FCER2: variants seen among roughly 807,000 people sequenced by gnomAD.
FCER2 encodes low affinity immunoglobulin epsilon Fc receptor.
Under a neutral mutation model 49.7 loss-of-function variants are expected in FCER2, and 38 were observed. That is an observed-to-expected ratio of 0.76 (90% CI 0.59 to 1.00). The LOEUF is 1.00. Ranked by LOEUF, FCER2 falls within the 50% of genes least tolerant of loss-of-function variation. FCER2 has a pLI of 0.00. For synonymous variants in FCER2, 163 were observed against 164.6 expected (o/e 0.99, Z 0.07); for missense variants, 425 against 419.5 (o/e 1.01, Z -0.11).
chr19:7,698,804 C>T lies in FCER2; in HGVS notation c.73G>A (p.Val25Met), dbSNP rs149266114. Residue 25 changes from valine (V) to methionine (M), a missense_variant, in exon 3 of 11, where the codon GTG (valine) becomes ATG (methionine). By Grantham distance (21) the Val-to-Met change is conservative. Coordinates refer to ENST00000597921, the MANE Select transcript of FCER2 (RefSeq NM_001220500.2). The part of the protein sequence containing the change: ...RRCCRRGTQI[V>M]LLGLVTAALW... ...GCGGCGGTCACCAGCCCCAGCAGCA[C>T]GATCTGAGTCCCACGCCTGCAACAC... The T allele has an allele frequency of 4.8e-5, 77 of 1,612,574 alleles. 1 individual carries two copies. The South Asian group carries it at 6.3e-4, about 13-fold the overall frequency.
intron 8 of FCER2, 105 bp from the exon 9 acceptor site, chr19:7,690,662 G>A (rs551109416): frequency 3.2e-5 from 38 of 1,181,106 alleles, no homozygotes; most frequent in Admixed American, 9.1e-5. Context: ...TGGGGTCCCG[G>A]CTAAAAGCAG....
At chr19:7,693,711 C>T (rs2032942115) in intron 8 of FCER2, among the ~76,000 whole-genome samples, 1 of 152,046 alleles carries the variant, frequency 6.6e-6, no homozygotes, top group Admixed American at 6.6e-5. Flanking sequence ...TACAGTGGCG[C>T]TATCTCGGCT....
At chr19:7,695,342 C>T (rs2032983336) in intron 8 of FCER2, among the ~76,000 whole-genome samples, 1 of 152,176 alleles carries the variant, frequency 6.6e-6, no homozygotes, top group Non-Finnish European at 1.5e-5. Context: ...GAGAATCCTA[C>T]TAATAACTCC....
chr19:7,699,497 T>C (rs1568491523), intron 2 of FCER2: 1 of 1,378,270 alleles, frequency 7.3e-7, no homozygotes, highest in Non-Finnish European at 9.5e-7. Context: ...TTTTTTCTTT[T>C]TCTTTTTTTG....
chr19:7,701,548 T>C (rs988068709), intron 1 of FCER2, among the ~76,000 whole-genome samples: 9 of 152,096 alleles, frequency 5.9e-5, no homozygotes, highest in African/African-American at 1.9e-4. Context: ...GGGTAAGTCA[T>C]TTGTCCCCAT....
chr19:7,698,487 G>A, intron 3 of FCER2, 78 bp from the exon 4 acceptor site: 1 of 1,195,692 alleles, frequency 8.4e-7, no homozygotes, highest in South Asian at 1.3e-5. Context: ...CCTCCCAGCT[G>A]GGGATGGAGG....
chr19:7,690,372 T>C lies in FCER2; in HGVS notation c.621+34A>G, dbSNP rs191142459. The C allele has an allele frequency of 4.4e-4, 713 of 1,603,086 alleles. 3 individuals are homozygous for C. In the African/African-American group the frequency reaches 8.5e-3, roughly 19 times the overall value. On this transcript the variant is annotated intron_variant, in intron 9 of 10. Transcript: ENST00000597921. ...GGTGGGGGTCCCCCCACCCTCGCCA[T>C]GCTGCCCACCACCTCTGCAGAGCCC... is the stretch of plus-strand genomic sequence containing the variant.
At chr19:7,699,597 T>C in intron 2 of FCER2, 142 bp downstream of exon 2, 1 of 1,161,596 alleles carries the variant, frequency 8.6e-7, no homozygotes, top group East Asian at 2.5e-5. Context: ...CGGCCTCACC[T>C]CCTTACTCAC....
intron 5 of FCER2, 100 bp from the exon 6 acceptor site, chr19:7,697,398 C>G (rs1284363983): frequency 6.7e-7 from 1 of 1,495,182 alleles, no homozygotes; most frequent in African/African-American, 1.4e-5. Context: ...TTCTTGGAAC[C>G]ACCTGCTCAG....
intron 6 of FCER2, 33 bp from the exon 7 acceptor site, chr19:7,697,108 G>A (rs748353538): frequency 1.2e-6 from 2 of 1,613,044 alleles, no homozygotes; most frequent in East Asian, 2.2e-5. Flanking sequence ...GCTGGTCTCA[G>A]GGAGGATGTG....
In FCER2 at chr19:7,689,271, G is replaced by A. The variant is rs749236558; in HGVS notation, c.888C>T (p.Ser296=). The change falls in exon 11 of 11, where the codon TCC becomes TCT. Residue 296 remains serine (S), a synonymous_variant. Transcript: ENST00000597921. ...TTGAATCAGGTCCCATGGACTCCGCGGAACCTTCGCTGGCTGGCGGCGTGC... is the reference window on the plus strand; with the variant it reads ...TTGAATCAGGTCCCATGGACTCCGCAGAACCTTCGCTGGCTGGCGGCGTGC... The part of the protein sequence containing the change: ...ATCTPPASEG[S]AESMGPDSRP... 3.7e-6 allele frequency: 6 copies of A among 1,613,700 alleles called. No individual in the cohort carries two copies. The African/African-American group carries it at 5.3e-5, about 14-fold the overall frequency.
At chr19:7,693,584 T>A (rs12972133) in intron 8 of FCER2, among the ~76,000 whole-genome samples, 79,239 of 151,530 alleles carry the variant, frequency 0.52, 20,848 homozygotes, top group African/African-American at 0.6. Flanking sequence ...CCGCTTTAAG[T>A]AAGTAGGTTT....
chr19:7,696,347 C>G (rs991860739), intron 8 of FCER2, among the ~76,000 whole-genome samples: 1 of 152,004 alleles, frequency 6.6e-6, no homozygotes, highest in African/African-American at 2.4e-5. Flanking sequence ...ATAATCTATC[C>G]GCCTCGACCT....
chr19:7,700,451 A>G (rs2033128303), intron 1 of FCER2, among the ~76,000 whole-genome samples: 1 of 152,100 alleles, frequency 6.6e-6, no homozygotes, highest in Non-Finnish European at 1.5e-5. Context: ...CCCATAACCC[A>G]GGCCTCAGCC....
chr19:7,697,698 G>T, intron 4 of FCER2, 109 bp from the exon 5 acceptor site: 1 of 815,570 alleles, frequency 1.2e-6, no homozygotes, highest in Non-Finnish European at 2.1e-6. Context: ...AACAGCTGCT[G>T]TTGCTGTTTG....
chr19:7,698,217 C>T lies in FCER2; in HGVS notation c.190+139G>A, dbSNP rs558528100. The T allele has an allele frequency of 4.6e-4, 276 of 597,948 alleles. 1 individual carries two copies. The highest frequency in any genetic ancestry group is 1.4e-3 in the Admixed American group (40 of 29,546). 37.0% of individuals were successfully genotyped at this position (597,948 alleles called of 1,614,324 possible). Reference sequence around the variant, plus strand: ...ACTTTTCCAAGCTTCCCTGGGTCCCCGCCTTCCCTAGGACAGGGAGCAACT... The same window carrying T: ...ACTTTTCCAAGCTTCCCTGGGTCCCTGCCTTCCCTAGGACAGGGAGCAACT... On this transcript the variant is annotated intron_variant, in intron 4 of 10. Coordinates refer to ENST00000597921, the MANE Select transcript of FCER2 (RefSeq NM_001220500.2).
chr19:7,692,635 C>T (rs1421499400), intron 8 of FCER2, among the ~76,000 whole-genome samples: 7 of 69,820 alleles, frequency 1.0e-4, no homozygotes, highest in African/African-American at 4.9e-4. Context: ...CTAACACCAT[C>T]GCCATCAGCA....
At position 7,696,770 on chromosome 19, in the gene FCER2, G is replaced by T. The variant is rs764806238; in HGVS notation, c.469+55C>A. On this transcript the variant is annotated intron_variant, in intron 8 of 10. Transcript: ENST00000597921. ...TGCGTGCCGTCACATTTGCCAACAC[G>T]CCCGAGCCCCAGGTGAGGTCACGCG... 4.4e-6 allele frequency: 6 copies of T among 1,359,452 alleles called. No individual in the cohort carries two copies. The Admixed American group carries it at 8.3e-5, about 19-fold the overall frequency. The allele number at this position is 1,359,452 out of a possible 1,614,324, so 84.2% of individuals were successfully genotyped here.
At chr19:7,697,352 T>C (rs1407377714) in intron 5 of FCER2, 54 bp from the exon 6 acceptor site, 1 of 1,576,814 alleles carries the variant, frequency 6.3e-7, no homozygotes, top group Non-Finnish European at 8.7e-7. Flanking sequence ...GTCTCCCCCA[T>C]CTACCCCCAC....
Sources: allele counts gnomAD v4.1 joint callset (sites outside exome capture counted in the v4.1 genomes callset), GRCh38; gene constraint gnomAD v4.1.1; transcripts MANE v1.5; gene names NCBI Gene and HGNC (gene_info 2026-07-23, HGNC 2026-07-21).